CCDC178: variants seen among roughly 807,000 people sequenced by gnomAD.
The protein encoded by CCDC178 is coiled-coil domain containing 178.
A neutral mutation model predicts 117.4 loss-of-function variants in CCDC178; 126 were observed. The observed-to-expected ratio is 1.07, with a 90% CI of 0.93 to 1.24. CCDC178 has a LOEUF of 1.24. CCDC178 is among the 50% of genes most tolerant of loss of function. CCDC178 has a pLI of 0.00. For synonymous variants in CCDC178, 283 were observed against 313.4 expected, an observed-to-expected ratio of 0.90 and a Z score of 1.02; for missense variants, 1,030 against 986.9, an observed-to-expected ratio of 1.04 and a Z score of -0.59.
At chr18:33,368,474 AT>A (rs904390980) in intron 6 of CCDC178, among the ~76,000 whole-genome samples, 2 of 151,916 alleles carry the variant, frequency 1.3e-5, no homozygotes, top group African/African-American at 4.8e-5. Flanking sequence ...TTACATGAGA[AT>A]AGCTCTTTTT....
At chr18:33,181,949 G>T (rs200819681) in intron 20 of CCDC178, among the ~76,000 whole-genome samples, 1 of 151,670 alleles carries the variant, frequency 6.6e-6, no homozygotes, top group Admixed American at 6.6e-5. Flanking sequence ...CGTGTAATAA[G>T]GGAACATCAT....
rs117095944 is a variant in CCDC178, at chr18:32,990,656, C to T, written c.2389-15975G>A. 8.0e-3 allele frequency among the ~76,000 whole-genome samples: 1,215 copies of T among 152,112 alleles called. 10 individuals carry two copies. The highest frequency in any genetic ancestry group is 9.7e-3 in the Non-Finnish European group (659 of 67,932). Reference sequence around the variant, plus strand: ...AGAAGAAATTAAAAGAAAATGTCTTCAAATACATACAGAAAAAGATTTTTG... The same window carrying T: ...AGAAGAAATTAAAAGAAAATGTCTTTAAATACATACAGAAAAAGATTTTTG... On this transcript the variant is annotated intron_variant, in intron 21 of 22. Transcript: ENST00000383096.
Position 33,136,555 on chromosome 18 carries a change from A to G in CCDC178, c.2239-43645T>C, listed in dbSNP as rs182821284. On this transcript the variant is annotated intron_variant, in intron 20 of 22. Coordinates refer to ENST00000383096, the MANE Select transcript of CCDC178 (RefSeq NM_001105528.4). ...TTAGCAATAGAGCAACAGGGACCCT[A>G]GGGACAGAAGAATAATATATGTGTG... Among the ~76,000 whole-genome samples the G allele has an allele frequency of 1.3e-3, 193 of 152,282 alleles. 1 individual carries two copies. Among genetic ancestry groups the G allele is most frequent in the African/African-American group, 4.3e-3 (177 of 41,570 alleles).
intron 20 of CCDC178, among the ~76,000 whole-genome samples, chr18:33,158,700 G>A (rs2058429283): frequency 1.3e-5 from 2 of 151,916 alleles, no homozygotes; most frequent in South Asian, 4.1e-4. Context: ...ATTTGTTTAA[G>A]GTTAAATATT....
intron 20 of CCDC178, among the ~76,000 whole-genome samples, chr18:33,144,885 T>C (rs1273193378): frequency 6.6e-6 from 1 of 152,190 alleles, no homozygotes; most frequent in African/African-American, 2.4e-5. Flanking sequence ...TGGTGGCCTA[T>C]TGACCAAGAT....
intron 20 of CCDC178, among the ~76,000 whole-genome samples, chr18:33,146,706 C>T (rs1398256592): frequency 1.3e-5 from 2 of 152,082 alleles, no homozygotes; most frequent in East Asian, 1.9e-4. Context: ...AAAAGTGAAA[C>T]AAAAGAGACT....
chr18:33,112,490 T>G (rs1297736496), intron 20 of CCDC178, among the ~76,000 whole-genome samples: 4 of 151,910 alleles, frequency 2.6e-5, no homozygotes, highest in Non-Finnish European at 5.9e-5. Flanking sequence ...CAAATTATTT[T>G]TTGGTGTTGT....
At chr18:33,367,370 G>T (rs1017332940) in intron 6 of CCDC178, among the ~76,000 whole-genome samples, 4 of 151,996 alleles carry the variant, frequency 2.6e-5, no homozygotes, top group African/African-American at 9.7e-5. Flanking sequence ...TCTGAATTAT[G>T]ATCTTTATTT....
intron 22 of CCDC178, among the ~76,000 whole-genome samples, chr18:32,963,268 C>T (rs1598736571): frequency 1.3e-5 from 2 of 152,014 alleles, no homozygotes; most frequent in African/African-American, 4.8e-5. Context: ...GTCCCTCATA[C>T]TTCTCTGCTT....
chr18:33,081,395 T>C (rs2057295221), intron 21 of CCDC178, among the ~76,000 whole-genome samples: 1 of 152,114 alleles, frequency 6.6e-6, no homozygotes, highest in Non-Finnish European at 1.5e-5. Flanking sequence ...ATAACAAAAG[T>C]CATTACACTG....
At chr18:33,329,950 CTTTTTTT>C (rs1205443998) in intron 10 of CCDC178, among the ~76,000 whole-genome samples, 81 of 64,486 alleles carry the variant, frequency 1.3e-3, no homozygotes, top group African/African-American at 4.9e-3. Context: ...TGGTCCTGGG[CTTTTTTT>C]TTTTTTTTTT....
rs71159804 is a variant in CCDC178 at position 33,179,078 on chromosome 18, A to AAAAATAT, written c.2238+32817_2238+32818insATATTTT. On this transcript the variant is annotated intron_variant, in intron 20 of 22. Coordinates refer to ENST00000383096, the MANE Select transcript of CCDC178 (RefSeq NM_001105528.4). Reference sequence around the variant, plus strand: ...ACTCAGTAAAAAAAAAAAAAAAAAAAATATATATATATATATATATATATA... The same window carrying AAAAATAT: ...ACTCAGTAAAAAAAAAAAAAAAAAAAAAAATATATATATATATATATATATATATATA... 6.6e-4 allele frequency among the ~76,000 whole-genome samples: 37 copies of AAAAATAT among 55,826 alleles called. 2 individuals carry two copies. The highest frequency in any genetic ancestry group is 2.4e-3 in the African/African-American group (21 of 8,840). The allele number at this position is 55,826 out of a possible 152,430, so 36.6% of individuals were successfully genotyped here.
chr18:33,344,412 G>T (rs1050800366), intron 9 of CCDC178, among the ~76,000 whole-genome samples: 3 of 150,962 alleles, frequency 2.0e-5, no homozygotes, highest in South Asian at 4.2e-4. Flanking sequence ...ACATAAATCT[G>T]TTTTCTAAGT....
intron 22 of CCDC178, among the ~76,000 whole-genome samples, chr18:32,939,036 C>T (rs926182037): frequency 3.3e-5 from 5 of 152,032 alleles, no homozygotes; most frequent in Non-Finnish European, 7.4e-5. Context: ...ATAGTCTCTA[C>T]ACTAAAGACT....
At chr18:33,260,077 G>T (rs189497861) in intron 14 of CCDC178, among the ~76,000 whole-genome samples, 217 of 151,796 alleles carry the variant, frequency 1.4e-3, no homozygotes, top group African/African-American at 4.9e-3. Flanking sequence ...ATTACACATG[G>T]CCAGCAGAAT....
intron 20 of CCDC178, among the ~76,000 whole-genome samples, chr18:33,162,459 G>A (rs531999167): frequency 6.6e-6 from 1 of 152,046 alleles, no homozygotes; most frequent in East Asian, 1.9e-4. Flanking sequence ...TTAGGTTCAG[G>A]GTTACATGTA....
chr18:33,394,398 A>T (rs1368905974), intron 4 of CCDC178, among the ~76,000 whole-genome samples: 1 of 152,026 alleles, frequency 6.6e-6, no homozygotes, highest in East Asian at 1.9e-4. Flanking sequence ...AAAGTTAGCA[A>T]GTGATAGAAC....
chr18:33,203,398 T>C (rs1312951768), intron 20 of CCDC178, among the ~76,000 whole-genome samples: 2 of 152,160 alleles, frequency 1.3e-5, no homozygotes, highest in African/African-American at 4.8e-5. Context: ...TCTTAACTTA[T>C]GCAGTAAATT....
At chr18:33,186,323 T>C (rs2058794448) in intron 20 of CCDC178, among the ~76,000 whole-genome samples, 1 of 152,020 alleles carries the variant, frequency 6.6e-6, no homozygotes, top group African/African-American at 2.4e-5. Flanking sequence ...GGTATTTTAA[T>C]CTTAAATAGC....
Sources: allele counts gnomAD v4.1 joint callset (sites outside exome capture counted in the v4.1 genomes callset), GRCh38; gene constraint gnomAD v4.1.1; transcripts MANE v1.5; gene names NCBI Gene and HGNC (gene_info 2026-07-23, HGNC 2026-07-21).